CSE1L: variants seen among roughly 807,000 people sequenced by gnomAD.
The protein encoded by CSE1L is exportin-2.
Under a neutral mutation model 120.4 loss-of-function variants are expected in CSE1L, and 24 were observed. The observed-to-expected ratio is 0.20, with a 90% CI of 0.14 to 0.28. The LOEUF is 0.28. CSE1L is among the 10% of genes least tolerant of loss of function. The pLI is 1.00. For synonymous variants in CSE1L, 402 were observed against 398.3 expected (o/e 1.01, Z -0.11); for missense variants, 830 against 1,145.2 (o/e 0.72, Z 3.97).
At chr20:49,083,591 G>A (rs1242136536) in intron 14 of CSE1L, among the ~76,000 whole-genome samples, 1 of 152,166 alleles carries the variant, frequency 6.6e-6, no homozygotes, top group Non-Finnish European at 1.5e-5. Context: ...TTAGACTAAT[G>A]AATGTTTCAA....
At chr20:49,052,713 C>G (rs1342257464) in intron 1 of CSE1L, among the ~76,000 whole-genome samples, 3 of 152,132 alleles carry the variant, frequency 2.0e-5, no homozygotes, top group African/African-American at 7.2e-5. Context: ...ACAGCAGTCT[C>G]AATTTGCTGG....
intron 14 of CSE1L, 25 bp from the exon 15 acceptor site, chr20:49,084,001 G>T: frequency 6.2e-7 from 1 of 1,601,072 alleles, no homozygotes; most frequent in Non-Finnish European, 8.5e-7. Flanking sequence ...TGCATTTAGA[G>T]CATGTATATT....
intron 2 of CSE1L, among the ~76,000 whole-genome samples, chr20:49,062,667 T>G (rs924693498): frequency 2.6e-5 from 4 of 152,058 alleles, no homozygotes; most frequent in Non-Finnish European, 5.9e-5. Flanking sequence ...GTGCCTTGGT[T>G]TTTTAAATGC....
In CSE1L at chr20:49,094,787, A is replaced by G. The variant is rs767505543; in HGVS notation, c.2650A>G (p.Ile884Val). 3 of 1,613,972 alleles carry G rather than the reference A, an allele frequency of 1.9e-6. No homozygotes were observed. In the African/African-American group the frequency reaches 4.0e-5, roughly 22 times the overall value. The change falls in exon 24 of 25, where the codon ATT (isoleucine) becomes GTT (valine). Residue 884 changes from isoleucine (I) to valine (V), a missense_variant. Around this residue, in one of 4 missense-constraint regions of CSE1L, gnomAD observed 112 missense variants for 200.0 expected, o/e 0.56. Coordinates refer to ENST00000262982, the MANE Select transcript of CSE1L (RefSeq NM_001316.4). ...TTTTGAGTTACCCGAAGATGATACC[A>G]TTCCTGATGAGGAACATTTTATTGA... ...GLFELPEDDT[I>V]PDEEHFIDIE...
rs1395764646 is a variant in CSE1L, at chr20:49,087,787, A to T, written c.1724-222A>T. ...TTATTTTTTAAACCTTGAGCCTTCTAGAAATACTCAGTATTTCCCAGCTAA... is the reference window on the plus strand; with the variant it reads ...TTATTTTTTAAACCTTGAGCCTTCTTGAAATACTCAGTATTTCCCAGCTAA... On this transcript the variant is annotated intron_variant, in intron 16 of 24. Transcript: ENST00000262982. Among the ~76,000 whole-genome samples, 2 of 152,160 alleles carry T rather than the reference A, an allele frequency of 1.3e-5. 1 individual carries two copies. The highest frequency in any genetic ancestry group is 4.1e-4 in the South Asian group (2 of 4,828).
intron 12 of CSE1L, 100 bp from the exon 13 acceptor site, chr20:49,076,880 C>A: frequency 1.5e-6 from 1 of 683,564 alleles, no homozygotes; most frequent in Admixed American, 3.1e-5. Flanking sequence ...AAGTGTTCAT[C>A]TCCATTTTAA....
intron 2 of CSE1L, among the ~76,000 whole-genome samples, chr20:49,061,824 T>G (rs1268636756): frequency 6.6e-6 from 1 of 152,030 alleles, no homozygotes; most frequent in Non-Finnish European, 1.5e-5. Context: ...TTTAATAATG[T>G]GTGAGGCAAG....
At chr20:49,071,251 A>G (rs1225023723) in intron 8 of CSE1L, among the ~76,000 whole-genome samples, 4 of 152,348 alleles carry the variant, frequency 2.6e-5, no homozygotes, top group Admixed American at 2.0e-4. Flanking sequence ...GTTTGACTAT[A>G]TTAATAGGAA....
chr20:49,065,506 G>C, intron 3 of CSE1L, among the ~76,000 whole-genome samples: 1 of 147,996 alleles, frequency 6.8e-6, no homozygotes, highest in African/African-American at 2.5e-5. Context: ...ATTTTTAGTA[G>C]AAATGGTTTC....
intron 21 of CSE1L, among the ~76,000 whole-genome samples, chr20:49,091,552 G>A (rs941068377): frequency 2.0e-5 from 3 of 151,984 alleles, no homozygotes; most frequent in African/African-American, 4.8e-5. Flanking sequence ...TGGGCAACAT[G>A]GTAAGACCCT....
chr20:49,059,769 G>C (rs1454246719), intron 2 of CSE1L, among the ~76,000 whole-genome samples: 1 of 151,884 alleles, frequency 6.6e-6, no homozygotes, highest in Non-Finnish European at 1.5e-5. Flanking sequence ...AGTCCCAGCT[G>C]CTCAAGAGGC....
chr20:49,069,695 A>G (rs956556702), intron 7 of CSE1L, among the ~76,000 whole-genome samples: 1 of 152,220 alleles, frequency 6.6e-6, no homozygotes, highest in African/African-American at 2.4e-5. Flanking sequence ...TTGAATTCTG[A>G]GAAGTCAGGT....
At chr20:49,079,870 A>G (rs2091997517) in intron 14 of CSE1L, among the ~76,000 whole-genome samples, 1 of 152,210 alleles carries the variant, frequency 6.6e-6, no homozygotes. Context: ...ATTTGAGGTC[A>G]GGAGTTCAAG....
intron 14 of CSE1L, among the ~76,000 whole-genome samples, chr20:49,083,750 CCTT>C (rs2092031789): frequency 6.6e-6 from 1 of 152,210 alleles, no homozygotes; most frequent in South Asian, 2.1e-4. Context: ...ATCTTAGTCT[CCTT>C]CTCTGTGATA....
chr20:49,050,388 T>C (rs933719067), intron 1 of CSE1L, among the ~76,000 whole-genome samples: 1,782 of 109,422 alleles, frequency 0.016, 20 homozygotes, highest in Non-Finnish European at 0.029. Flanking sequence ...CCAGCTAATT[T>C]TTTTTTTTTT....
At position 49,075,356 on chromosome 20, in the gene CSE1L, C is replaced by A. The variant is rs1432339411; in HGVS notation, c.1171C>A (p.Arg391=). 6.2e-7 allele frequency: 1 copy of A among 1,613,454 alleles called. No individual in the cohort carries two copies. Among genetic ancestry groups the A allele is most frequent in the Non-Finnish European group, 8.5e-7 (1 of 1,179,882 alleles). The change falls in exon 12 of 25, where the codon CGA becomes AGA. Residue 391 remains arginine (R), a synonymous_variant. Coordinates refer to ENST00000262982, the MANE Select transcript of CSE1L (RefSeq NM_001316.4). The part of the protein sequence containing the change: ...TRRRAACDLV[R]GLCKFFEGPV... ...ACGCAGGGCTGCTTGTGATCTGGTA[C>A]GAGGATTATGCAAGTTTTTTGAGGG...
rs1044419592 is a variant in CSE1L, at chr20:49,092,105, A to G, written c.2425A>G (p.Ile809Val). 7 of 1,572,332 alleles carry G rather than the reference A, an allele frequency of 4.5e-6. No homozygotes were observed. The highest frequency in any genetic ancestry group is 1.7e-4 in the Middle Eastern group (1 of 5,954). ...ATATGGGGCACTAGCACTACAAGAA[A>G]TATTTGATGGTATACAACCAAAGTA... The part of the protein sequence containing the change: ...IKYGALALQE[I>V]FDGIQPKMFG... Residue 809 changes from isoleucine (I) to valine (V), a missense_variant, in exon 22 of 25, where the codon ATA becomes GTA. Ile to Val is a conservative substitution (Grantham distance 29, BLOSUM62 3). Coordinates refer to ENST00000262982, the MANE Select transcript of CSE1L (RefSeq NM_001316.4).
intron 16 of CSE1L, among the ~76,000 whole-genome samples, 176 bp downstream of exon 16, chr20:49,085,562 A>ATTTTT (rs11471947): frequency 0.045 from 3,576 of 80,014 alleles, 876 homozygotes; most frequent in Non-Finnish European, 0.063. Context: ...ACTAACAATA[A>ATTTTT]TTTTTTTTTT....
At chr20:49,092,659 G>C (rs542696445) in intron 22 of CSE1L, among the ~76,000 whole-genome samples, 39 of 152,056 alleles carry the variant, frequency 2.6e-4, no homozygotes, top group Non-Finnish European at 4.7e-4. Context: ...TCGTGGGATG[G>C]GGGGCAGGGG....
Sources: gnomAD v4.1 joint callset for allele counts (sites outside exome capture counted in the v4.1 genomes callset) on GRCh38, gnomAD v4.1.1 for gene constraint, gnomAD v4.1.1 regional missense constraint, MANE v1.5 for transcripts, NCBI Gene and HGNC (gene_info 2026-07-23, HGNC 2026-07-21) for gene names.